Variants in AGBL4 observed in about 807,000 individuals in gnomAD.
The protein encoded by AGBL4 is AGBL carboxypeptidase 4.
Under a neutral mutation model 66.4 loss-of-function variants are expected in AGBL4, and 58 were observed. The observed-to-expected ratio is 0.87, with a 90% confidence interval of 0.71 to 1.09. AGBL4 has a LOEUF of 1.09. AGBL4 is among the 50% of genes least tolerant of loss of function. AGBL4 has a pLI of 0.00. For synonymous variants in AGBL4, 234 were observed against 222.9 expected (o/e 1.05, Z -0.44); for missense variants, 579 against 631.0 (o/e 0.92, Z 0.88).
intron 3 of AGBL4, among the ~76,000 whole-genome samples, chr1:49,664,590 C>T (rs1225149262): frequency 1.3e-5 from 2 of 152,040 alleles, no homozygotes; most frequent in African/African-American, 4.8e-5. Flanking sequence ...GATGACATTG[C>T]TTCTTTCTGA....
At chr1:49,797,809 T>TGCCCAGACTGGAGTGCAATGGC (rs1644767125) in intron 2 of AGBL4, among the ~76,000 whole-genome samples, 1 of 152,062 alleles carries the variant, frequency 6.6e-6, no homozygotes. Flanking sequence ...CTCACTCTGT[T>TGCCCAGACTGGAGTGCAATGGC]GCCCAGACTG....
intron 6 of AGBL4, among the ~76,000 whole-genome samples, chr1:48,709,237 A>G (rs1284260362): frequency 6.6e-6 from 1 of 152,186 alleles, no homozygotes; most frequent in East Asian, 1.9e-4. Flanking sequence ...CTATTCTTGT[A>G]CTAGGCTCTG....
chr1:49,816,397 T>C (rs1269836926), intron 2 of AGBL4, among the ~76,000 whole-genome samples: 1 of 152,182 alleles, frequency 6.6e-6, no homozygotes, highest in Non-Finnish European at 1.5e-5. Context: ...GTCTAGGTAA[T>C]GGGCATATAC....
chr1:48,893,321 T>C (rs1012244132), intron 5 of AGBL4, among the ~76,000 whole-genome samples: 1 of 151,998 alleles, frequency 6.6e-6, no homozygotes, highest in African/African-American at 2.4e-5. Context: ...TCTTAGGAAG[T>C]GGGGCTTTGG....
At chr1:48,614,634 C>T (rs1050687471) in intron 9 of AGBL4, among the ~76,000 whole-genome samples, 4 of 152,196 alleles carry the variant, frequency 2.6e-5, no homozygotes, top group African/African-American at 9.7e-5. Context: ...ATTACCCTTG[C>T]AGCCTTCCCC....
intron 8 of AGBL4, among the ~76,000 whole-genome samples, chr1:48,641,842 A>G (rs1645760256): frequency 1.3e-5 from 2 of 152,212 alleles, no homozygotes; most frequent in African/African-American, 4.8e-5. Flanking sequence ...CAGTCCTAGG[A>G]GTCAGGTAAG....
rs1230332969 is a variant in AGBL4, at chr1:49,418,798, T to C, written c.283-172934A>G. On this transcript the variant is annotated intron_variant, in intron 3 of 13. Transcript: ENST00000371839. The stretch of plus-strand genomic sequence containing the variant: ...GTCTAAAGATGTAGGCAAGTGCTAG[T>C]TCATTAACGGCATGGTAGGCCTTGT... Among the ~76,000 whole-genome samples the C allele has an allele frequency of 6.6e-5, 10 of 152,356 alleles. No homozygotes were observed. The South Asian group carries it at 2.1e-3, about 32-fold the overall frequency.
chr1:48,674,831 C>G (rs980842013), intron 6 of AGBL4, among the ~76,000 whole-genome samples: 5 of 152,148 alleles, frequency 3.3e-5, no homozygotes, highest in African/African-American at 1.2e-4. Flanking sequence ...CTCCCTCCCC[C>G]AGGAAGCCTG....
intron 6 of AGBL4, among the ~76,000 whole-genome samples, chr1:48,723,241 A>G (rs1279406037): frequency 1.3e-5 from 2 of 152,202 alleles, no homozygotes; most frequent in Admixed American, 1.3e-4. Context: ...GAAGAATTTG[A>G]ATGACTTTGA....
intron 6 of AGBL4, among the ~76,000 whole-genome samples, chr1:48,856,978 G>T (rs950018742): frequency 6.6e-6 from 1 of 152,166 alleles, no homozygotes; most frequent in African/African-American, 2.4e-5. Flanking sequence ...CTATGCAGCA[G>T]TGAAAAAGAC....
chr1:48,842,049 G>C (rs1646817998), intron 6 of AGBL4, among the ~76,000 whole-genome samples: 1 of 152,078 alleles, frequency 6.6e-6, no homozygotes, highest in Non-Finnish European at 1.5e-5. Flanking sequence ...TTTGACTCTG[G>C]AAAATAACTT....
intron 3 of AGBL4, among the ~76,000 whole-genome samples, chr1:49,672,467 C>G (rs2124529480): frequency 6.6e-6 from 1 of 150,836 alleles, no homozygotes; most frequent in South Asian, 2.1e-4. Flanking sequence ...TGTAATAAAC[C>G]TTCACATATA....
intron 2 of AGBL4, among the ~76,000 whole-genome samples, chr1:49,849,280 C>G (rs1245180910): frequency 6.6e-6 from 1 of 151,996 alleles, no homozygotes; most frequent in Non-Finnish European, 1.5e-5. Flanking sequence ...TTGTGAAACT[C>G]AGGATGTGGA....
At chr1:48,978,092 T>C (rs964260215) in intron 5 of AGBL4, among the ~76,000 whole-genome samples, 1 of 152,148 alleles carries the variant, frequency 6.6e-6, no homozygotes, top group African/African-American at 2.4e-5. Context: ...GGTGAGAACA[T>C]ATTTATGCAT....
intron 3 of AGBL4, among the ~76,000 whole-genome samples, chr1:49,461,156 TG>T (rs1646503227): frequency 3.3e-5 from 5 of 151,804 alleles, no homozygotes; most frequent in Admixed American, 2.6e-4. Flanking sequence ...CTAGCAAGGC[TG>T]GGGAAGTTTT....
chr1:49,438,962 T>C (rs1043389068), intron 3 of AGBL4, among the ~76,000 whole-genome samples: 7 of 152,242 alleles, frequency 4.6e-5, no homozygotes, highest in Admixed American at 3.9e-4. Context: ...AGGCTGTTAC[T>C]GATCCCATCT....
At chr1:48,746,926 CA>C (rs1309624003) in intron 6 of AGBL4, among the ~76,000 whole-genome samples, 16 of 152,138 alleles carry the variant, frequency 1.1e-4, no homozygotes, top group Admixed American at 4.6e-4. Context: ...AGAAAAGGAA[CA>C]AAAAAAGCAT....
chr1:49,145,578 G>A (rs1212638146), intron 4 of AGBL4, among the ~76,000 whole-genome samples: 2 of 152,170 alleles, frequency 1.3e-5, no homozygotes, highest in African/African-American at 4.8e-5. Flanking sequence ...CACAGTTTGA[G>A]AATTTGGTCT....
chr1:49,416,782 C>T (rs1001025067), intron 3 of AGBL4, among the ~76,000 whole-genome samples: 1 of 151,884 alleles, frequency 6.6e-6, no homozygotes, highest in Non-Finnish European at 1.5e-5. Context: ...AAAGTATGGC[C>T]TGGAATTGAG....
Sources: gnomAD v4.1 joint callset for allele counts (sites outside exome capture counted in the v4.1 genomes callset) on GRCh38, gnomAD v4.1.1 for gene constraint, MANE v1.5 for transcripts, NCBI Gene and HGNC (gene_info 2026-07-23, HGNC 2026-07-21) for gene names.